The following JAKMIP1 variants were observed in gnomAD, a reference collection of about 807,000 sequenced individuals.
The protein encoded by JAKMIP1 is janus kinase and microtubule interacting protein 1.
Under a neutral mutation model 113.0 loss-of-function variants are expected in JAKMIP1, and 33 were observed. The observed-to-expected ratio is 0.29, with a 90% CI of 0.22 to 0.39. The LOEUF is 0.39. JAKMIP1 is among the 10% of genes least tolerant of loss of function. The pLI is 1.00. For synonymous variants in JAKMIP1, 480 were observed against 459.9 expected, an observed-to-expected ratio of 1.04 and a Z score of -0.56; for missense variants, 813 against 1,080.5, an observed-to-expected ratio of 0.75 and a Z score of 3.47.
Position 6,185,196 on chromosome 4 carries a change from A to G in JAKMIP1, c.-148+15057T>C, listed in dbSNP as rs1726507881. Among the ~76,000 whole-genome samples the G allele has an allele frequency of 6.6e-6, 1 of 152,140 alleles. No homozygotes were observed. The highest frequency in any genetic ancestry group is 2.1e-4 in the South Asian group (1 of 4,828). ...TGGGGCTTCACCTTGTGATCTTGTGAGTCAATTATCCCAATAAACTTCCTT... is the reference window on the plus strand; with the variant it reads ...TGGGGCTTCACCTTGTGATCTTGTGGGTCAATTATCCCAATAAACTTCCTT... On this transcript the variant is annotated intron_variant, in intron 1 of 20. Coordinates refer to ENST00000409021, the MANE Select transcript of JAKMIP1 (RefSeq NM_001099433.2). The surrounding 1 kb of genome is among the most constrained non-coding windows in gnomAD (Gnocchi z 5.3).
rs1715639934 is a variant in JAKMIP1 at position 6,051,365 on chromosome 4, G to T, written c.1807-686C>A. On this transcript the variant is annotated intron_variant, in intron 13 of 20. Transcript: ENST00000409021. The surrounding 1 kb of genome is among the most constrained non-coding windows in gnomAD (Gnocchi z 5.0). Reference sequence around the variant, plus strand: ...AGCCTCCCAAGTAGCTGGGATTACAGGCACGCGCCACCACACCGGGCTAAT... The same window carrying T: ...AGCCTCCCAAGTAGCTGGGATTACATGCACGCGCCACCACACCGGGCTAAT... Among the ~76,000 whole-genome samples, 1 of 152,144 alleles carries T rather than the reference G, an allele frequency of 6.6e-6. No homozygotes were observed. The highest frequency in any genetic ancestry group is 1.5e-5 in the Non-Finnish European group (1 of 68,032).
intron 5 of JAKMIP1, among the ~76,000 whole-genome samples, chr4:6,082,150 G>A (rs1378354118): frequency 6.6e-6 from 1 of 152,044 alleles, no homozygotes; most frequent in Admixed American, 6.6e-5. Context: ...CCCAAAGAGA[G>A]GAGGCAATGG....
In JAKMIP1 at chr4:6,184,777, T is replaced by G. The variant is rs904399768; in HGVS notation, c.-148+15476A>C. 8.5e-5 allele frequency among the ~76,000 whole-genome samples: 13 copies of G among 152,200 alleles called. No individual in the cohort carries two copies. The highest frequency in any genetic ancestry group is 1.5e-5 in the Non-Finnish European group (1 of 68,038). ...GTGTCAACTCGATTGGACAGAAGGATAGAAAGTATTGTTCCTGAGTGTGTC... is the reference window on the plus strand; with the variant it reads ...GTGTCAACTCGATTGGACAGAAGGAGAGAAAGTATTGTTCCTGAGTGTGTC... On this transcript the variant is annotated intron_variant, in intron 1 of 20. Transcript: ENST00000409021. This position sits in a 1 kb window ranked among gnomAD's most constrained non-coding sequence, Gnocchi z 4.5.
chr4:6,110,651 G>T (rs958017219), intron 2 of JAKMIP1, among the ~76,000 whole-genome samples: 5 of 143,952 alleles, frequency 3.5e-5, no homozygotes, highest in Non-Finnish European at 7.5e-5. Context: ...GCAGCACCCA[G>T]GCCCTGTGTG....
At position 6,140,245 on chromosome 4, in the gene JAKMIP1, T is replaced by C. The variant is rs1032818099; in HGVS notation, c.-147-27248A>G. 6.6e-6 allele frequency among the ~76,000 whole-genome samples: 1 copy of C among 151,622 alleles called. No homozygotes were observed. The highest frequency in any genetic ancestry group is 1.5e-5 in the Non-Finnish European group (1 of 67,928). On this transcript the variant is annotated intron_variant, in intron 1 of 20. Coordinates refer to ENST00000409021, the MANE Select transcript of JAKMIP1 (RefSeq NM_001099433.2). The surrounding 1 kb of genome is among the most constrained non-coding windows in gnomAD (Gnocchi z 9.4). ...TTGGGCTGCTCCCTATTTTTCTTTT[T>C]TCCTCTTTTTTTTTTTTTTTTCTGT...
rs368959622 is a variant in JAKMIP1, at chr4:6,031,795, C to T, written c.2380-2014G>A. Among the ~76,000 whole-genome samples, 9 of 152,340 alleles carry T rather than the reference C, an allele frequency of 5.9e-5. No individual in the cohort carries two copies. The East Asian group carries it at 1.7e-3, about 29-fold the overall frequency. The stretch of plus-strand genomic sequence containing the variant: ...AGATCTGTGACCTTGGGCAGTTATT[C>T]TGCCTCCCTGAGGCTTGGTGTCCTT... On this transcript the variant is annotated intron_variant, in intron 19 of 20. Coordinates refer to ENST00000409021, the MANE Select transcript of JAKMIP1 (RefSeq NM_001099433.2). This position sits in a 1 kb window ranked among gnomAD's most constrained non-coding sequence, Gnocchi z 4.4.
intron 1 of JAKMIP1, among the ~76,000 whole-genome samples, chr4:6,161,476 C>A (rs980372688): frequency 1.3e-5 from 2 of 151,918 alleles, no homozygotes; most frequent in African/African-American, 2.4e-5. Flanking sequence ...CCCGCCTGAA[C>A]GGGGAGGTCC....
intron 1 of JAKMIP1, among the ~76,000 whole-genome samples, chr4:6,160,482 G>A (rs1219805713): frequency 1.3e-5 from 2 of 152,100 alleles, no homozygotes; most frequent in African/African-American, 4.8e-5. Context: ...CAAGGCAGAC[G>A]GGATCACCCT....
Position 6,094,731 on chromosome 4 carries a change from C to A in JAKMIP1, c.625-9102G>T, listed in dbSNP as rs369714066. Among the ~76,000 whole-genome samples, 2 of 152,200 alleles carry A rather than the reference C, an allele frequency of 1.3e-5. No individual in the cohort carries two copies. The highest frequency in any genetic ancestry group is 2.9e-5 in the Non-Finnish European group (2 of 68,032). On this transcript the variant is annotated intron_variant, in intron 3 of 20. Coordinates refer to ENST00000409021, the MANE Select transcript of JAKMIP1 (RefSeq NM_001099433.2). This position sits in a 1 kb window ranked among gnomAD's most constrained non-coding sequence, Gnocchi z 4.2. ...AAATACAGCCAGACGCAGTGGCTCACGCCTATAATCCCAGCACTTTGGGAG... is the reference window on the plus strand; with the variant it reads ...AAATACAGCCAGACGCAGTGGCTCAAGCCTATAATCCCAGCACTTTGGGAG...
intron 1 of JAKMIP1, among the ~76,000 whole-genome samples, chr4:6,134,989 T>C (rs1451403889): frequency 6.6e-6 from 1 of 152,224 alleles, no homozygotes; most frequent in Non-Finnish European, 1.5e-5. Context: ...AGACAGCGTC[T>C]GGGCTCCCTG....
intron 1 of JAKMIP1, among the ~76,000 whole-genome samples, chr4:6,174,860 C>T (rs1725155482): frequency 6.6e-6 from 1 of 152,114 alleles, no homozygotes; most frequent in African/African-American, 2.4e-5. Flanking sequence ...ACCCTGGCCC[C>T]TTCCTCACCC....
rs1190293826 is a variant in JAKMIP1 at position 6,059,497 on chromosome 4, C to G, written c.1644+927G>C. Among the ~76,000 whole-genome samples, 1 of 152,140 alleles carries G rather than the reference C, an allele frequency of 6.6e-6. No homozygotes were observed. On this transcript the variant is annotated intron_variant, in intron 11 of 20. Transcript: ENST00000409021. This position sits in a 1 kb window ranked among gnomAD's most constrained non-coding sequence, Gnocchi z 4.8. ...GACCTTGCCTGGCCTCCTCAGCCCC[C>G]CATAGATGCCTCTCTGCAGGCAGGG...
At chr4:6,070,014 G>A (rs144391882) in intron 8 of JAKMIP1, 67 of 398,386 alleles carry the variant, frequency 1.7e-4, no homozygotes, top group African/African-American at 8.4e-4. Context: ...GCCAGGGACC[G>A]CCAGAGAACC....
chr4:6,036,039 C>G lies in JAKMIP1; in HGVS notation c.2244G>C (p.Glu748Asp). 1 of 1,554,798 alleles carries G rather than the reference C, an allele frequency of 6.4e-7. No homozygotes were observed. Among genetic ancestry groups the G allele is most frequent in the South Asian group, 1.2e-5 (1 of 84,254 alleles). The change falls in exon 19 of 21, where the codon GAG (glutamate) becomes GAC (aspartate). Residue 748 changes from glutamate (E) to aspartate (D), a missense_variant. This residue lies in a region of JAKMIP1 where 273 missense variants were observed against 426.6 expected (regional missense o/e 0.64). Transcript: ENST00000409021. The stretch of plus-strand genomic sequence containing the variant: ...CCTCCCGCTGGCCCTCGCTCAGCGC[C>G]TCACCGGCCCTCCGCCCCGGCTCCT... ...LQQEPGRRAG[E>D]ALSEGQREDL...
At chr4:6,073,494 C>A (rs139616320) in intron 8 of JAKMIP1, among the ~76,000 whole-genome samples, 92 of 152,314 alleles carry the variant, frequency 6.0e-4, no homozygotes, top group Non-Finnish European at 9.4e-4. Context: ...CTGCAAAGGG[C>A]ATTGAGATCC....
intron 5 of JAKMIP1, 95 bp downstream of exon 5, chr4:6,084,751 T>A (rs1020390801): frequency 7.9e-7 from 1 of 1,270,858 alleles, no homozygotes; most frequent in South Asian, 2.0e-5. Context: ...ACCAGAAGGC[T>A]TCTGCATTAA....
At chr4:6,172,812 G>A (rs951357589) in intron 1 of JAKMIP1, among the ~76,000 whole-genome samples, 3 of 146,404 alleles carry the variant, frequency 2.0e-5, no homozygotes, top group South Asian at 2.4e-4. Flanking sequence ...CCCTGCCCCC[G>A]TGATCACACC....
intron 1 of JAKMIP1, among the ~76,000 whole-genome samples, chr4:6,131,375 A>AC (rs984408757): frequency 2.6e-5 from 4 of 151,650 alleles, no homozygotes; most frequent in African/African-American, 9.7e-5. Flanking sequence ...CCAAAAAAAA[A>AC]AAAAAACAAA....
At chr4:6,060,316 T>G in intron 11 of JAKMIP1, 108 bp downstream of exon 11, 1 of 832,406 alleles carries the variant, frequency 1.2e-6, no homozygotes, top group Non-Finnish European at 2.1e-6. Context: ...CTGGAGCTCC[T>G]GATCCAGCCC....
Sources: gnomAD v4.1 joint callset for allele counts (sites outside exome capture counted in the v4.1 genomes callset) on GRCh38, gnomAD v4.1.1 for gene constraint, gnomAD v4.1.1 regional missense constraint, Gnocchi (gnomAD v3.1) non-coding constraint, MANE v1.5 for transcripts, NCBI Gene and HGNC (gene_info 2026-07-23, HGNC 2026-07-21) for gene names.